MRPL42: variants seen among roughly 807,000 people sequenced by gnomAD.
MRPL42 encodes the protein large ribosomal subunit protein mL42.
A neutral mutation model predicts 17.9 loss-of-function variants in MRPL42; 17 were observed. The observed-to-expected ratio is 0.95, with a 90% CI of 0.65 to 1.42. The LOEUF is 1.42. Ranked by LOEUF, MRPL42 falls within the 40% of genes most tolerant of loss-of-function variation. The pLI, the probability that MRPL42 is intolerant of heterozygous loss-of-function variation, is 0.00. For synonymous variants in MRPL42, 59 were observed against 54.4 expected (o/e 1.08, Z -0.37); for missense variants, 177 against 175.2 (o/e 1.01, Z -0.06).
At chr12:93,484,373 A>G (rs1880605431) in intron 4 of MRPL42, among the ~76,000 whole-genome samples, 1 of 151,916 alleles carries the variant, frequency 6.6e-6, no homozygotes, top group Non-Finnish European at 1.5e-5. Flanking sequence ...GTTATTTATT[A>G]TTATTATCAA....
Position 93,469,239 on chromosome 12 carries a change from T to C in MRPL42, c.-47T>C, listed in dbSNP as rs967368829. ...AAGCAGATTCTAAAAGCAGTTTCTCTTCAGAACATCTTTTTTCATACCACT... is the reference window on the plus strand; with the variant it reads ...AAGCAGATTCTAAAAGCAGTTTCTCCTCAGAACATCTTTTTTCATACCACT... On this transcript the variant is annotated 5_prime_UTR_variant, in exon 2 of 6. Transcript: ENST00000549982. 12 of 1,494,860 alleles carry C rather than the reference T, an allele frequency of 8.0e-6. No homozygotes were observed. Among genetic ancestry groups the C allele is most frequent in the Non-Finnish European group, 1.0e-5 (11 of 1,090,286 alleles). The allele number at this position is 1,494,860 out of a possible 1,614,324, so 92.6% of individuals were successfully genotyped here.
intron 3 of MRPL42, among the ~76,000 whole-genome samples, chr12:93,478,651 T>C (rs1833759193): frequency 6.6e-6 from 1 of 152,222 alleles, no homozygotes; most frequent in Admixed American, 6.5e-5. Context: ...ATAAGTGTTT[T>C]GCATTATATA....
chr12:93,504,489 T>C lies in MRPL42; in HGVS notation c.*3268T>C, dbSNP rs1187307185. ...TCAGTATATAGAAATATTTTCTCTT[T>C]AGTTCTATTAAAATTTTAAAAAATC... is the stretch of plus-strand genomic sequence containing the variant. On this transcript the variant is annotated 3_prime_UTR_variant, in exon 6 of 6. Transcript: ENST00000549982. 1 of 152,388 alleles carries C rather than the reference T, an allele frequency of 6.6e-6. No homozygotes were observed. The highest frequency in any genetic ancestry group is 1.5e-5 in the Non-Finnish European group (1 of 68,044). 9.4% of individuals were successfully genotyped at this position (152,388 alleles called of 1,614,324 possible). A position where few individuals can be genotyped will look rare whatever the true frequency, so the allele number is the denominator to read the frequency against.
Position 93,504,645 on chromosome 12 carries a change from A to C in MRPL42, c.*3424A>C, listed in dbSNP as rs1953647458. 1 of 152,190 alleles carries C rather than the reference A, an allele frequency of 6.6e-6. No homozygotes were observed. The highest frequency in any genetic ancestry group is 2.4e-5 in the African/African-American group (1 of 41,452). 9.4% of individuals were successfully genotyped at this position (152,190 alleles called of 1,614,324 possible). On this transcript the variant is annotated 3_prime_UTR_variant, in exon 6 of 6. Transcript: ENST00000549982. ...GCTTAAACCTATAAGAGGCCTTATTATGGGCTTATTTCCTTTGCAGCCCTT... is the reference window on the plus strand; with the variant it reads ...GCTTAAACCTATAAGAGGCCTTATTCTGGGCTTATTTCCTTTGCAGCCCTT...
rs1953721472 is a variant in MRPL42 at position 93,511,077 on chromosome 12, T to C, written c.*9856T>C. The C allele has an allele frequency of 6.6e-6, 1 of 152,206 alleles. No homozygotes were observed. Among genetic ancestry groups the C allele is most frequent in the African/African-American group, 2.4e-5 (1 of 41,460 alleles). 9.4% of individuals were successfully genotyped at this position (152,206 alleles called of 1,614,324 possible). On this transcript the variant is annotated 3_prime_UTR_variant, in exon 6 of 6. Coordinates refer to ENST00000549982, the MANE Select transcript of MRPL42 (RefSeq NM_014050.4). ...CTAATGGTGACAATAAAAGCGATTC[T>C]GAATAAATGAAAACCAATAGATTGT...
chr12:93,496,952 A>G (rs988787916), intron 5 of MRPL42, among the ~76,000 whole-genome samples: 2 of 152,170 alleles, frequency 1.3e-5, no homozygotes, highest in African/African-American at 4.8e-5. Context: ...CACTTCAAGC[A>G]CACAACTAGA....
At chr12:93,491,994 C>T (rs998318214) in intron 5 of MRPL42, among the ~76,000 whole-genome samples, 3 of 152,006 alleles carry the variant, frequency 2.0e-5, no homozygotes, top group African/African-American at 7.2e-5. Context: ...GTATGTGTAC[C>T]ACATTTTCTT....
At chr12:93,478,925 TA>T (rs1880318677) in intron 3 of MRPL42, among the ~76,000 whole-genome samples, 3 of 149,962 alleles carry the variant, frequency 2.0e-5, no homozygotes, top group Admixed American at 2.0e-4. Context: ...TTTATTTATT[TA>T]TTTATTTATT....
intron 4 of MRPL42, among the ~76,000 whole-genome samples, chr12:93,484,999 T>TACACACACATATATATATCTATAC (rs1565813832): frequency 1.4e-5 from 1 of 69,406 alleles, no homozygotes; most frequent in Non-Finnish European, 2.6e-5. Flanking sequence ...TATATATATA[T>TACACACACATATATATATCTATAC]ATATATATAT....
At chr12:93,487,691 A>G (rs781129043) in intron 5 of MRPL42, 31 bp downstream of exon 5, 13 of 1,533,114 alleles carry the variant, frequency 8.5e-6, no homozygotes, top group African/African-American at 8.3e-5. Context: ...TTCAATCCCT[A>G]CTACATACAG....
chr12:93,513,204 T>G lies in MRPL42; in HGVS notation c.*11983T>G, dbSNP rs1366865487. 1 of 149,226 alleles carries G rather than the reference T, an allele frequency of 6.7e-6. No individual in the cohort carries two copies. Among genetic ancestry groups the G allele is most frequent in the Non-Finnish European group, 1.5e-5 (1 of 67,304 alleles). The allele number at this position is 149,226 out of a possible 1,614,324, so 9.2% of individuals were successfully genotyped here. ...TAGAATTTTTTTTTTTTTTTTTTTTTTTTGAGAGAGAGGGTCTCATTCATT... is the reference window on the plus strand; with the variant it reads ...TAGAATTTTTTTTTTTTTTTTTTTTGTTTGAGAGAGAGGGTCTCATTCATT... On this transcript the variant is annotated 3_prime_UTR_variant, in exon 6 of 6. Transcript: ENST00000549982.
rs1352222279 is a variant in MRPL42 at position 93,514,395 on chromosome 12, C to T, written c.*13174C>T. On this transcript the variant is annotated 3_prime_UTR_variant, in exon 6 of 6. Transcript: ENST00000549982. Reference sequence around the variant, plus strand: ...TCAAGCGATTCTTGTGCCTCAGCCTCCTGAGTAGCTGGGATTACAGGCACC... The same window carrying T: ...TCAAGCGATTCTTGTGCCTCAGCCTTCTGAGTAGCTGGGATTACAGGCACC... 2.0e-5 allele frequency: 3 copies of T among 149,932 alleles called. No homozygotes were observed. Among genetic ancestry groups the T allele is most frequent in the Admixed American group, 1.3e-4 (2 of 15,004 alleles). 9.3% of individuals were successfully genotyped at this position (149,932 alleles called of 1,614,324 possible).
chr12:93,494,224 A>T (rs1953453955), intron 5 of MRPL42, among the ~76,000 whole-genome samples: 1 of 152,164 alleles, frequency 6.6e-6, no homozygotes. Flanking sequence ...GAACCAAGGG[A>T]AGTGTTAACA....
At chr12:93,474,275 T>A (rs138387909) in intron 2 of MRPL42, among the ~76,000 whole-genome samples, 73 of 152,138 alleles carry the variant, frequency 4.8e-4, no homozygotes, top group African/African-American at 1.7e-3. Flanking sequence ...TGTTTTTTTT[T>A]AATTTATATT....
intron 2 of MRPL42, 115 bp downstream of exon 2, chr12:93,469,470 G>C: frequency 1.4e-6 from 1 of 700,358 alleles, no homozygotes; most frequent in Non-Finnish European, 2.3e-6. Context: ...TGCAGCAATG[G>C]AAAGTGGGAG....
intron 5 of MRPL42, among the ~76,000 whole-genome samples, chr12:93,489,785 C>T (rs985029842): frequency 1.1e-4 from 16 of 152,204 alleles, no homozygotes; most frequent in Non-Finnish European, 1.9e-4. Context: ...ATCTGCCCCA[C>T]TTGGCCTCCC....
Position 93,513,608 on chromosome 12 carries a change from G to C in MRPL42, c.*12387G>C, listed in dbSNP as rs1180804642. 5 of 152,086 alleles carry C rather than the reference G, an allele frequency of 3.3e-5. No individual in the cohort carries two copies. Among genetic ancestry groups the C allele is most frequent in the African/African-American group, 1.2e-4 (5 of 41,424 alleles). 9.4% of individuals were successfully genotyped at this position (152,086 alleles called of 1,614,324 possible). ...TAATTGAAGAATGACAAAAAGTTGA[G>C]TTATAGAAATTATATTAATCTTAAA... On this transcript the variant is annotated 3_prime_UTR_variant, in exon 6 of 6. Coordinates refer to ENST00000549982, the MANE Select transcript of MRPL42 (RefSeq NM_014050.4).
chr12:93,478,914 A>T (rs1880318109), intron 3 of MRPL42, among the ~76,000 whole-genome samples: 1 of 63,442 alleles, frequency 1.6e-5, no homozygotes, highest in Non-Finnish European at 4.2e-5. Flanking sequence ...TTTAGCTTTT[A>T]TTTATTTATT....
intron 5 of MRPL42, 124 bp downstream of exon 5, chr12:93,487,784 C>T: frequency 1.1e-6 from 1 of 878,334 alleles, no homozygotes; most frequent in Non-Finnish European, 1.7e-6. Context: ...AGTAGAATCA[C>T]CTACTATGTT....
Sources: gnomAD v4.1 joint callset for allele counts (sites outside exome capture counted in the v4.1 genomes callset) on GRCh38, gnomAD v4.1.1 for gene constraint, MANE v1.5 for transcripts, NCBI Gene and HGNC (gene_info 2026-07-23, HGNC 2026-07-21) for gene names.